UNC5D: variants seen among roughly 807,000 people sequenced by gnomAD.
UNC5D encodes the protein unc-5 netrin receptor D, also known as netrin receptor UNC5D.
Under a neutral mutation model 105.4 loss-of-function variants are expected in UNC5D, and 39 were observed. The ratio of observed to expected loss-of-function variants is 0.37; its 90% CI spans 0.29 to 0.48. The LOEUF (loss-of-function observed/expected upper bound fraction) is 0.48, where lower values mean the gene tolerates loss of function less well. Among genes scored for constraint, UNC5D ranks in the 20% least tolerant of loss-of-function variants. The pLI is 0.98. For synonymous variants in UNC5D, 452 were observed against 450.4 expected, an observed-to-expected ratio of 1.00 and a Z score of -0.04; for missense variants, 991 against 1,202.4, an observed-to-expected ratio of 0.82 and a Z score of 2.60.
At chr8:35,430,582 G>C (rs1040599032) in intron 1 of UNC5D, among the ~76,000 whole-genome samples, 1 of 152,102 alleles carries the variant, frequency 6.6e-6, no homozygotes, top group Admixed American at 6.6e-5. Context: ...ATGGGACTGA[G>C]TCATTACCTT....
intron 13 of UNC5D, among the ~76,000 whole-genome samples, chr8:35,758,626 A>C (rs528091118): frequency 6.6e-6 from 1 of 152,338 alleles, no homozygotes; most frequent in African/African-American, 2.4e-5. Flanking sequence ...TGGTTTACTC[A>C]ACAGAATGTA....
At chr8:35,609,709 T>G (rs1340920588) in intron 4 of UNC5D, among the ~76,000 whole-genome samples, 1 of 152,212 alleles carries the variant, frequency 6.6e-6, no homozygotes, top group Non-Finnish European at 1.5e-5. Context: ...TACTGTGAAA[T>G]GCTAACAGTC....
chr8:35,753,447 T>A (rs575603890), intron 13 of UNC5D, among the ~76,000 whole-genome samples: 2 of 152,184 alleles, frequency 1.3e-5, no homozygotes, highest in African/African-American at 4.8e-5. Flanking sequence ...TTTTTTGTAT[T>A]TTTAGTAGAG....
intron 10 of UNC5D, 136 bp downstream of exon 10, chr8:35,726,665 C>A (rs1271111636): frequency 1.6e-5 from 22 of 1,352,142 alleles, no homozygotes; most frequent in Non-Finnish European, 2.2e-5. Flanking sequence ...CTCCACTAGT[C>A]CACTTGATTT....
intron 1 of UNC5D, among the ~76,000 whole-genome samples, chr8:35,304,241 A>G (rs1349401612): frequency 6.6e-6 from 1 of 152,078 alleles, no homozygotes; most frequent in South Asian, 2.1e-4. Flanking sequence ...TGATACAGAC[A>G]TGGTTCTCAG....
intron 1 of UNC5D, among the ~76,000 whole-genome samples, chr8:35,294,734 AT>A (rs969864432): frequency 6.9e-6 from 1 of 144,408 alleles, no homozygotes; most frequent in African/African-American, 2.6e-5. Context: ...CTTATGCTGA[AT>A]TCAGTTATTT....
chr8:35,321,238 T>A (rs546570810), intron 1 of UNC5D, among the ~76,000 whole-genome samples: 1 of 152,322 alleles, frequency 6.6e-6, no homozygotes, highest in Non-Finnish European at 1.5e-5. Context: ...CAGCTTGTTC[T>A]GTAAGCTCAT....
At chr8:35,419,499 T>C (rs1211603266) in intron 1 of UNC5D, among the ~76,000 whole-genome samples, 1 of 152,178 alleles carries the variant, frequency 6.6e-6, no homozygotes, top group Non-Finnish European at 1.5e-5. Context: ...CCAGAAAACT[T>C]GGAGAGTCCA....
At chr8:35,449,496 G>T (rs1489163526) in intron 1 of UNC5D, among the ~76,000 whole-genome samples, 53 of 152,078 alleles carry the variant, frequency 3.5e-4, no homozygotes, top group Admixed American at 3.4e-3. Context: ...GTGCTTTGGG[G>T]TTCATTCATT....
At chr8:35,388,961 A>AT (rs1803604468) in intron 1 of UNC5D, among the ~76,000 whole-genome samples, 4 of 152,118 alleles carry the variant, frequency 2.6e-5, no homozygotes, top group African/African-American at 4.8e-5. Context: ...TAAGTAAGGC[A>AT]TTTTTTTCAA....
intron 1 of UNC5D, among the ~76,000 whole-genome samples, chr8:35,266,417 T>G (rs567857729): frequency 6.6e-6 from 1 of 152,314 alleles, no homozygotes; most frequent in Admixed American, 6.5e-5. Flanking sequence ...GAACAGGTAT[T>G]AGAACAAACT....
intron 2 of UNC5D, among the ~76,000 whole-genome samples, chr8:35,566,044 T>C (rs556921120): frequency 3.9e-5 from 6 of 152,340 alleles, no homozygotes; most frequent in African/African-American, 1.2e-4. Context: ...AAGGCTTCTT[T>C]TCTCCTATTT....
chr8:35,565,325 T>G (rs1398366436), intron 2 of UNC5D, among the ~76,000 whole-genome samples: 1 of 152,210 alleles, frequency 6.6e-6, no homozygotes, highest in Non-Finnish European at 1.5e-5. Context: ...TAATTTGCAT[T>G]TCCTTATAAT....
intron 1 of UNC5D, among the ~76,000 whole-genome samples, chr8:35,471,087 T>C (rs955420581): frequency 6.6e-6 from 1 of 152,108 alleles, no homozygotes; most frequent in Non-Finnish European, 1.5e-5. Flanking sequence ...GGCCAGTTCC[T>C]CCATCACTGC....
In UNC5D at chr8:35,329,400, G is replaced by GATAT. The variant is rs36221011; in HGVS notation, c.103+93538_103+93541dup. 8.5e-3 allele frequency among the ~76,000 whole-genome samples: 1,251 copies of GATAT among 147,294 alleles called. 10 individuals carry two copies. The highest frequency in any genetic ancestry group is 0.012 in the Non-Finnish European group (799 of 66,954). On this transcript the variant is annotated intron_variant, in intron 1 of 16. Transcript: ENST00000404895. ...CCAATTTTCTGTTTTTTATTGGGTT[G>GATAT]ATATATATATATATATATATATATA...
At chr8:35,600,777 T>C (rs1346703938) in intron 4 of UNC5D, among the ~76,000 whole-genome samples, 1 of 152,230 alleles carries the variant, frequency 6.6e-6, no homozygotes, top group Non-Finnish European at 1.5e-5. Context: ...GTGGTTTCTT[T>C]TGCTGTGCAG....
intron 4 of UNC5D, among the ~76,000 whole-genome samples, chr8:35,617,986 A>T (rs1255245261): frequency 2.6e-5 from 4 of 152,242 alleles, no homozygotes; most frequent in African/African-American, 9.6e-5. Context: ...GTGGGCTGCC[A>T]GCACTGGCCC....
At chr8:35,296,830 C>T (rs1054294647) in intron 1 of UNC5D, among the ~76,000 whole-genome samples, 1 of 152,154 alleles carries the variant, frequency 6.6e-6, no homozygotes, top group East Asian at 1.9e-4. Context: ...TATATCACCC[C>T]TCTCCCTTAT....
intron 1 of UNC5D, among the ~76,000 whole-genome samples, chr8:35,417,616 T>C (rs1249943956): frequency 6.6e-6 from 1 of 152,166 alleles, no homozygotes; most frequent in Non-Finnish European, 1.5e-5. Flanking sequence ...AGGTCAAATA[T>C]ATAGATTTTT....
Sources: allele counts gnomAD v4.1 joint callset (sites outside exome capture counted in the v4.1 genomes callset), GRCh38; gene constraint gnomAD v4.1.1; transcripts MANE v1.5; gene names NCBI Gene and HGNC (gene_info 2026-07-23, HGNC 2026-07-21).